The following PDCD7 variants were observed in gnomAD, a reference collection of about 807,000 sequenced individuals.
PDCD7 encodes the protein programmed cell death 7.
PDCD7 carries 40 observed loss-of-function variants against 42.1 expected under a neutral mutation model. The ratio of observed to expected loss-of-function variants is 0.95; its 90% CI spans 0.74 to 1.24. The LOEUF (loss-of-function observed/expected upper bound fraction) is 1.24. Among genes scored for constraint, PDCD7 ranks in the 50% most tolerant of loss-of-function variants. The probability of loss-of-function intolerance (pLI) is 0.00; values close to 1 mark genes in which losing one functional copy is unlikely to be tolerated. For synonymous variants in PDCD7, 299 were observed against 303.3 expected, an observed-to-expected ratio of 0.99 and a Z score of 0.15; for missense variants, 644 against 662.8, an observed-to-expected ratio of 0.97 and a Z score of 0.31.
In PDCD7 at chr15:65,133,433, G is replaced by A. The variant is rs1050929553; in HGVS notation, c.349C>T (p.Pro117Ser). 3.4e-6 allele frequency: 4 copies of A among 1,185,938 alleles called. No individual in the cohort carries two copies. Among genetic ancestry groups the A allele is most frequent in the African/African-American group, 3.2e-5 (2 of 62,420 alleles). The allele number at this position is 1,185,938 out of a possible 1,614,324, so 73.5% of individuals were successfully genotyped here. ...GCCTCAGGCCACCGCGGGCTCCAGG[G>A]CGGCCCCGGGCCGGGAGGCGGTGGC... is the stretch of plus-strand genomic sequence containing the variant. ...PRPPPPGPGP[P>S]WSPRWPEAPP... The change falls in exon 1 of 5, where the codon CCC (proline) becomes TCC (serine). Residue 117 changes from proline to serine, a missense_variant. Transcript: ENST00000204549.
At position 65,120,914 on chromosome 15, in the gene PDCD7, C is replaced by T. The variant is rs187951026; in HGVS notation, c.1010-960G>A. Among the ~76,000 whole-genome samples, 130 of 152,112 alleles carry T rather than the reference C, an allele frequency of 8.5e-4. 2 individuals carry two copies. The highest frequency in any genetic ancestry group is 2.7e-3 in the South Asian group (13 of 4,812). On this transcript the variant is annotated intron_variant, in intron 2 of 4. Coordinates refer to ENST00000204549, the MANE Select transcript of PDCD7 (RefSeq NM_005707.2). ...TAAAAGTCCTAGCTATAGTATGTAT[C>T]GGTTAAAATTTAGAAATTTTACCCA...
At position 65,127,067 on chromosome 15, in the gene PDCD7, A is replaced by G. The variant is rs563124797; in HGVS notation, c.1009+1965T>C. On this transcript the variant is annotated intron_variant, in intron 2 of 4. Coordinates refer to ENST00000204549, the MANE Select transcript of PDCD7 (RefSeq NM_005707.2). ...TGCTTCCATACTACCCGTGCCCAAT[A>G]GCCTTACCCATCTCTCTGCCCTTCT... Among the ~76,000 whole-genome samples, 3 of 152,270 alleles carry G rather than the reference A, an allele frequency of 2.0e-5. No individual in the cohort carries two copies. In the South Asian group the frequency reaches 6.2e-4, roughly 32 times the overall value.
intron 2 of PDCD7, 62 bp from the exon 3 acceptor site, chr15:65,120,016 T>G: frequency 6.5e-7 from 1 of 1,529,906 alleles, no homozygotes; most frequent in Non-Finnish European, 8.8e-7. Context: ...GGCCTCGCTC[T>G]AACACCCAGG....
At chr15:65,130,268 T>C (rs1376020616) in intron 1 of PDCD7, among the ~76,000 whole-genome samples, 1 of 148,724 alleles carries the variant, frequency 6.7e-6, no homozygotes, top group African/African-American at 2.5e-5. Context: ...AGCGATTCCC[T>C]GCTTCAGCCT....
In PDCD7 at chr15:65,133,654, T is replaced by C; in HGVS notation, c.128A>G (p.Gln43Arg). 4 of 1,258,314 alleles carry C rather than the reference T, an allele frequency of 3.2e-6. No homozygotes were observed. The highest frequency in any genetic ancestry group is 3.0e-6 in the Non-Finnish European group (3 of 997,494). 77.9% of individuals were successfully genotyped at this position (1,258,314 alleles called of 1,614,324 possible). A position where few individuals can be genotyped will look rare whatever the true frequency, so the allele number is the denominator to read the frequency against. Residue 43 changes from glutamine (Q) to arginine (R), a missense_variant, in exon 1 of 5, where the codon CAG becomes CGG. Transcript: ENST00000204549. ...PSPAFPPPLP[Q>R]RPGPFPGASA... ...GGCCCCCGGAAAAGGGCCGGGCCGCTGGGGGAGAGGCGGCGGGAAAGCCGG... is the reference window on the plus strand; with the variant it reads ...GGCCCCCGGAAAAGGGCCGGGCCGCCGGGGGAGAGGCGGCGGGAAAGCCGG...
intron 4 of PDCD7, 120 bp from the exon 5 acceptor site, chr15:65,118,960 C>T: frequency 1.5e-6 from 1 of 649,006 alleles, no homozygotes; most frequent in Non-Finnish European, 2.3e-6. Context: ...TATTACAGAA[C>T]TTGATTTCTA....
Position 65,133,787 on chromosome 15 carries a change from C to A in PDCD7, c.-6G>T. ...AAGAATGGTGGCAGGGCCATGTTCACGACGGAGATGCTTTGAGAAGTGACA... is the reference window on the plus strand; with the variant it reads ...AAGAATGGTGGCAGGGCCATGTTCAAGACGGAGATGCTTTGAGAAGTGACA... On this transcript the variant is annotated 5_prime_UTR_variant, in exon 1 of 5. Coordinates refer to ENST00000204549, the MANE Select transcript of PDCD7 (RefSeq NM_005707.2). 1 of 1,360,290 alleles carries A rather than the reference C, an allele frequency of 7.4e-7. No homozygotes were observed. The highest frequency in any genetic ancestry group is 9.5e-7 in the Non-Finnish European group (1 of 1,055,390). The allele number at this position is 1,360,290 out of a possible 1,614,324, so 84.3% of individuals were successfully genotyped here.
chr15:65,132,514 T>C (rs1233675952), intron 1 of PDCD7, among the ~76,000 whole-genome samples: 1 of 152,004 alleles, frequency 6.6e-6, no homozygotes, highest in Non-Finnish European at 1.5e-5. Context: ...CCTCCCAAAG[T>C]GCTGGGATTA....
chr15:65,120,078 T>C (rs1405884740), intron 2 of PDCD7, 124 bp from the exon 3 acceptor site: 2 of 1,007,050 alleles, frequency 2.0e-6, no homozygotes, highest in Non-Finnish European at 2.9e-6. Flanking sequence ...ACTCCTGGGC[T>C]CAACCCATCC....
rs186596062 is a variant in PDCD7, at chr15:65,130,244, G to C, written c.871-1074C>G. ...GCGATCTCGGCTTACTGCAACCTCC[G>C]CCTCCTGGGTTCAAGCGATTCCCTG... On this transcript the variant is annotated intron_variant, in intron 1 of 4. Transcript: ENST00000204549. Among the ~76,000 whole-genome samples, 853 of 135,416 alleles carry C rather than the reference G, an allele frequency of 6.3e-3. 4 individuals are homozygous for C. The highest frequency in any genetic ancestry group is 0.019 in the Middle Eastern group (4 of 210). The allele number at this position is 135,416 out of a possible 152,430, so 88.8% of individuals were successfully genotyped here. A position where few individuals can be genotyped will look rare whatever the true frequency, so the allele number is the denominator to read the frequency against.
chr15:65,132,759 T>C (rs1471101235), intron 1 of PDCD7, among the ~76,000 whole-genome samples, 153 bp downstream of exon 1: 1 of 152,126 alleles, frequency 6.6e-6, no homozygotes, highest in Non-Finnish European at 1.5e-5. Context: ...AACACAAAAT[T>C]AACATGGTGG....
At chr15:65,123,352 T>C (rs1038482799) in intron 2 of PDCD7, among the ~76,000 whole-genome samples, 26 of 152,100 alleles carry the variant, frequency 1.7e-4, no homozygotes, top group African/African-American at 6.3e-4. Flanking sequence ...CATTCCCAGC[T>C]AATTTCTGTA....
chr15:65,128,971 G>A, intron 2 of PDCD7, 61 bp downstream of exon 2: 1 of 1,563,468 alleles, frequency 6.4e-7, no homozygotes, highest in African/African-American at 1.4e-5. Context: ...TATTTGGGGT[G>A]GGAGGAGCTA....
At chr15:65,127,478 A>C (rs2087506283) in intron 2 of PDCD7, among the ~76,000 whole-genome samples, 1 of 151,946 alleles carries the variant, frequency 6.6e-6, no homozygotes, top group African/African-American at 2.4e-5. Context: ...AAAAAAAAAA[A>C]AAAAAACTTT....
intron 4 of PDCD7, 183 bp downstream of exon 4, chr15:65,119,193 G>A (rs2087431300): frequency 3.7e-6 from 2 of 547,938 alleles, no homozygotes; most frequent in East Asian, 5.8e-5. Context: ...GACTAATGAG[G>A]ACTAAACAAG....
Position 65,133,554 on chromosome 15 carries a change from G to A in PDCD7, c.228C>T (p.Gly76=), listed in dbSNP as rs955293502. Residue 76 remains glycine (G), a synonymous_variant, in exon 1 of 5, where the codon GGC becomes GGT. Coordinates refer to ENST00000204549, the MANE Select transcript of PDCD7 (RefSeq NM_005707.2). The part of the protein sequence containing the change: ...ASAEASRGGG[G]AGAFYPVPPP... ...GTGGCACCGGGTAGAAGGCGCCAGC[G>A]CCGCCTCCGCCGCGGGAGGCCTCCG... 28 of 1,229,596 alleles carry A rather than the reference G, an allele frequency of 2.3e-5. No individual in the cohort carries two copies. In the African/African-American group the frequency reaches 4.4e-4, roughly 19 times the overall value. The allele number at this position is 1,229,596 out of a possible 1,614,324, so 76.2% of individuals were successfully genotyped here. A position where few individuals can be genotyped will look rare whatever the true frequency, so the allele number is the denominator to read the frequency against.
intron 4 of PDCD7, 184 bp from the exon 5 acceptor site, chr15:65,119,024 C>A: frequency 2.1e-6 from 1 of 465,218 alleles, no homozygotes. Context: ...AGAGGAAAAA[C>A]TCTGAAGAAC....
intron 2 of PDCD7, among the ~76,000 whole-genome samples, chr15:65,124,602 C>T (rs1027698226): frequency 6.6e-6 from 1 of 152,152 alleles, no homozygotes; most frequent in African/African-American, 2.4e-5. Context: ...TGCCTGCAGT[C>T]CTGTTCAGTC....
rs944894042 is a variant in PDCD7, at chr15:65,118,491, T to G, written c.*226A>C. 2 of 414,296 alleles carry G rather than the reference T, an allele frequency of 4.8e-6. No individual in the cohort carries two copies. The highest frequency in any genetic ancestry group is 4.1e-5 in the African/African-American group (2 of 48,580). The allele number at this position is 414,296 out of a possible 1,614,324, so 25.7% of individuals were successfully genotyped here. Reference sequence around the variant, plus strand: ...AACCAAGGTCATTCACTGCCTGTGGTAAAAACCTCAGTTCACCTAAGTCCT... The same window carrying G: ...AACCAAGGTCATTCACTGCCTGTGGGAAAAACCTCAGTTCACCTAAGTCCT... On this transcript the variant is annotated 3_prime_UTR_variant, in exon 5 of 5. Transcript: ENST00000204549.
Sources: allele counts gnomAD v4.1 joint callset (sites outside exome capture counted in the v4.1 genomes callset), GRCh38; gene constraint gnomAD v4.1.1; transcripts MANE v1.5; gene names NCBI Gene and HGNC (gene_info 2026-07-23, HGNC 2026-07-21).